Variants in RASEF observed in about 807,000 individuals in gnomAD.
RASEF encodes the protein ras and EF-hand domain-containing protein.
In RASEF, 68 loss-of-function variants were observed where a neutral mutation model predicts 90.1. That is an observed-to-expected ratio of 0.75 (90% CI 0.62 to 0.92). The LOEUF (loss-of-function observed/expected upper bound fraction) is 0.92. Ranked by LOEUF, RASEF falls within the 40% of genes least tolerant of loss-of-function variation. The pLI is 0.00. For synonymous variants in RASEF, 331 were observed against 345.2 expected (o/e 0.96, Z 0.46); for missense variants, 949 against 937.2 (o/e 1.01, Z -0.16).
At chr9:83,018,552 T>C (rs1829385605) in intron 3 of RASEF, among the ~76,000 whole-genome samples, 1 of 152,144 alleles carries the variant, frequency 6.6e-6, no homozygotes, top group Non-Finnish European at 1.5e-5. Context: ...TGCAGACTTT[T>C]AGTTTTTGTT....
chr9:83,062,680 G>T lies in RASEF; in HGVS notation c.188C>A (p.Thr63Asn). The change falls in exon 1 of 17, where the codon ACC (threonine) becomes AAC (asparagine). Residue 63 changes from threonine (T) to asparagine (N), a missense_variant. Around this residue, in one of 3 missense-constraint regions of RASEF, gnomAD observed 656 missense variants for 592.2 expected, o/e 1.11. Coordinates refer to ENST00000376447, the MANE Select transcript of RASEF (RefSeq NM_152573.4). ...RLDADRDGAITFQEFARGFLG... is the reference protein window; with the variant it reads ...RLDADRDGAINFQEFARGFLG... ...GAAGCCACGCGCGAACTCCTGGAAGGTGATGGCGCCGTCACGGTCGGCGTC... is the reference window on the plus strand; with the variant it reads ...GAAGCCACGCGCGAACTCCTGGAAGTTGATGGCGCCGTCACGGTCGGCGTC... The T allele has an allele frequency of 6.3e-7, 1 of 1,575,560 alleles. No individual in the cohort carries two copies. Among genetic ancestry groups the T allele is most frequent in the Admixed American group, 1.8e-5 (1 of 56,898 alleles).
the RASEF span, among the ~76,000 whole-genome samples, chr9:83,134,447 CACAT>C: frequency 0.023 from 3,394 of 148,138 alleles, 40 homozygotes; most frequent in Middle Eastern, 0.034. Flanking sequence ...CACACACACA[CACAT>C]ATATATATAT....
chr9:82,986,999 C>G (rs1828721888), intron 16 of RASEF, among the ~76,000 whole-genome samples: 2 of 152,168 alleles, frequency 1.3e-5, no homozygotes, highest in South Asian at 4.1e-4. Context: ...TTTATGGCCT[C>G]CCTTTAAAAA....
the RASEF span, among the ~76,000 whole-genome samples, chr9:83,105,956 A>T: frequency 6.6e-6 from 1 of 152,294 alleles, no homozygotes; most frequent in South Asian, 2.1e-4. Flanking sequence ...GCCCAAAGTC[A>T]TCTAAACATG....
At chr9:83,178,752 CTAA>C in the RASEF span, among the ~76,000 whole-genome samples, 1 of 152,150 alleles carries the variant, frequency 6.6e-6, no homozygotes, top group African/African-American at 2.4e-5. Flanking sequence ...GTCCAGCCAC[CTAA>C]ACTAGGAATT....
chr9:82,983,529 G>A (rs1179941019), intron 16 of RASEF, among the ~76,000 whole-genome samples: 3 of 152,194 alleles, frequency 2.0e-5, no homozygotes, highest in East Asian at 1.9e-4. Flanking sequence ...CAAGCTGAAC[G>A]GCTATCTCTG....
intron 1 of RASEF, among the ~76,000 whole-genome samples, chr9:83,058,127 T>C (rs1357467344): frequency 6.9e-6 from 1 of 144,934 alleles, no homozygotes; most frequent in Non-Finnish European, 1.5e-5. Flanking sequence ...ACTCTATCTC[T>C]GGCCTTCTCT....
At position 83,055,416 on chromosome 9, in the gene RASEF, G is replaced by A. The variant is rs1160465972; in HGVS notation, c.431+7021C>T. The A allele has an allele frequency of 2.6e-5, 15 of 588,186 alleles. 1 individual carries two copies. The highest frequency in any genetic ancestry group is 5.4e-5 in the South Asian group (3 of 55,618). 36.4% of individuals were successfully genotyped at this position (588,186 alleles called of 1,614,324 possible). On this transcript the variant is annotated intron_variant, in intron 1 of 16. Coordinates refer to ENST00000376447, the MANE Select transcript of RASEF (RefSeq NM_152573.4). ...CCCTGCTTCGGCTCGCGCACGGTGC[G>A]CGCACACACTGGCCTGCGCCCACTG...
the RASEF span, among the ~76,000 whole-genome samples, chr9:83,198,165 C>T: frequency 6.6e-6 from 1 of 152,118 alleles, no homozygotes; most frequent in Admixed American, 6.5e-5. Flanking sequence ...TATCAGGACT[C>T]CCCAAATAAT....
At chr9:83,132,921 T>G in the RASEF span, among the ~76,000 whole-genome samples, 2 of 152,316 alleles carry the variant, frequency 1.3e-5, no homozygotes, top group African/African-American at 4.8e-5. Context: ...TGGTAACTCC[T>G]GTGTGTGACA....
At position 83,012,013 on chromosome 9, in the gene RASEF, T is replaced by C. The variant is rs573387332; in HGVS notation, c.843+421A>G. Reference sequence around the variant, plus strand: ...TAAATAAAACTCATAACAGAAGATATGTAAATGTTACCAATTTTGTTAGTA... The same window carrying C: ...TAAATAAAACTCATAACAGAAGATACGTAAATGTTACCAATTTTGTTAGTA... On this transcript the variant is annotated intron_variant, in intron 5 of 16. Transcript: ENST00000376447. Among the ~76,000 whole-genome samples, 302 of 152,116 alleles carry C rather than the reference T, an allele frequency of 2.0e-3. 2 individuals are homozygous for C. The highest frequency in any genetic ancestry group is 6.7e-3 in the African/African-American group (276 of 41,498).
At chr9:83,191,829 T>G in the RASEF span, among the ~76,000 whole-genome samples, 1 of 152,190 alleles carries the variant, frequency 6.6e-6, no homozygotes, top group Non-Finnish European at 1.5e-5. Context: ...TAGGGAAAGT[T>G]GGATGAATGG....
intron 16 of RASEF, among the ~76,000 whole-genome samples, chr9:82,987,371 GCTTAT>G (rs1418374450): frequency 1.3e-5 from 2 of 152,294 alleles, no homozygotes; most frequent in East Asian, 1.9e-4. Context: ...TTCGCAAGAA[GCTTAT>G]CTTATTTCTT....
chr9:83,170,089 T>G, the RASEF span, among the ~76,000 whole-genome samples: 2 of 152,082 alleles, frequency 1.3e-5, no homozygotes, highest in Non-Finnish European at 2.9e-5. Flanking sequence ...TAATTTATTT[T>G]GATTTGATTT....
Position 83,025,886 on chromosome 9 carries a change from T to C in RASEF, c.467A>G (p.Asn156Ser), listed in dbSNP as rs1445934416. The stretch of plus-strand genomic sequence containing the variant: ...CTGAATTAATCTTGGCTCCACAAGG[T>C]TGATGTTTTGGTACAAGGTACTAAC... ...EQVSTLYQNI[N>S]LVEPRLIQPY... Residue 156 changes from asparagine to serine, a missense_variant, in exon 2 of 17, where the codon AAC becomes AGC. Physicochemically the swap from Asn to Ser is conservative, Grantham distance 46 (BLOSUM62 1). This residue lies in a region of RASEF where 656 missense variants were observed against 592.2 expected (regional missense o/e 1.11). Coordinates refer to ENST00000376447, the MANE Select transcript of RASEF (RefSeq NM_152573.4). The C allele has an allele frequency of 6.2e-7, 1 of 1,613,630 alleles. No individual in the cohort carries two copies.
At chr9:83,136,751 T>C in the RASEF span, among the ~76,000 whole-genome samples, 5 of 152,156 alleles carry the variant, frequency 3.3e-5, no homozygotes, top group East Asian at 9.6e-4. Flanking sequence ...TACATATCTA[T>C]TATGTATGAA....
the RASEF span, among the ~76,000 whole-genome samples, chr9:83,176,676 T>C: frequency 6.6e-6 from 1 of 151,658 alleles, no homozygotes; most frequent in Non-Finnish European, 1.5e-5. Context: ...GTGTTTGCCA[T>C]ATAAATCTTA....
At chr9:83,126,655 G>A in the RASEF span, among the ~76,000 whole-genome samples, 326 of 152,250 alleles carry the variant, frequency 2.1e-3, no homozygotes, top group Non-Finnish European at 2.7e-3. Flanking sequence ...TTCCCTGGGA[G>A]GACTCTCAGT....
At chr9:83,011,496 G>C (rs1829242359) in intron 5 of RASEF, among the ~76,000 whole-genome samples, 1 of 121,820 alleles carries the variant, frequency 8.2e-6, no homozygotes, top group South Asian at 2.8e-4. Context: ...AGGTTGCAGT[G>C]AGCCAAGATC....
Sources: gnomAD v4.1 joint callset for allele counts (sites outside exome capture counted in the v4.1 genomes callset) on GRCh38, gnomAD v4.1.1 for gene constraint, gnomAD v4.1.1 regional missense constraint, MANE v1.5 for transcripts, NCBI Gene and HGNC (gene_info 2026-07-23, HGNC 2026-07-21) for gene names.